The following PTPRD variants were observed in gnomAD, a reference collection of about 807,000 sequenced individuals.
PTPRD encodes the protein protein tyrosine phosphatase receptor type D, also known as receptor-type tyrosine-protein phosphatase delta.
Under a neutral mutation model 214.5 loss-of-function variants are expected in PTPRD, and 34 were observed. The ratio of observed to expected loss-of-function variants is 0.16; its 90% CI spans 0.12 to 0.21. The LOEUF (loss-of-function observed/expected upper bound fraction) is 0.21. Ranked by LOEUF, PTPRD falls within the 10% of genes least tolerant of loss-of-function variation. The pLI is 1.00. For synonymous variants in PTPRD, 1,128 were observed against 845.7 expected (o/e 1.33, Z -5.79); for missense variants, 2,545 against 2,398.7 (o/e 1.06, Z -1.27).
intron 14 of PTPRD, among the ~76,000 whole-genome samples, chr9:8,619,445 C>A (rs897841236): frequency 6.6e-6 from 1 of 151,722 alleles, no homozygotes; most frequent in African/African-American, 2.4e-5. Flanking sequence ...GATCCCATAG[C>A]ATTTGTCTTT....
At chr9:10,279,522 C>G (rs1394128373) in intron 3 of PTPRD, among the ~76,000 whole-genome samples, 1 of 152,032 alleles carries the variant, frequency 6.6e-6, no homozygotes, top group African/African-American at 2.4e-5. Flanking sequence ...TCACTTTTAT[C>G]ATTTCACTGA....
At chr9:9,728,559 A>T (rs566829260) in intron 7 of PTPRD, among the ~76,000 whole-genome samples, 4 of 152,168 alleles carry the variant, frequency 2.6e-5, no homozygotes, top group Admixed American at 2.0e-4. Flanking sequence ...CTAAAAGGTA[A>T]AAAGAGCCAA....
chr9:9,048,043 G>C (rs1053947931), intron 10 of PTPRD, among the ~76,000 whole-genome samples: 1 of 152,142 alleles, frequency 6.6e-6, no homozygotes, highest in Non-Finnish European at 1.5e-5. Flanking sequence ...ACAGGCATAA[G>C]AAAAGGTGCT....
chr9:9,024,933 G>T (rs72692864), intron 10 of PTPRD, among the ~76,000 whole-genome samples: 4,309 of 151,942 alleles, frequency 0.028, 77 homozygotes, highest in Middle Eastern at 0.058. Flanking sequence ...ACTTCAACTA[G>T]ATGCAAAAGT....
chr9:8,660,249 A>T (rs1414006133), intron 12 of PTPRD, among the ~76,000 whole-genome samples: 4 of 151,438 alleles, frequency 2.6e-5, no homozygotes, highest in Non-Finnish European at 4.4e-5. Flanking sequence ...ATCTAAGCTA[A>T]GCAATAATAG....
intron 5 of PTPRD, among the ~76,000 whole-genome samples, chr9:9,907,074 A>C (rs1340118355): frequency 6.6e-6 from 1 of 151,910 alleles, no homozygotes; most frequent in Non-Finnish European, 1.5e-5. Flanking sequence ...CCAAATCCTT[A>C]TATGGTCAGT....
chr9:9,174,231 T>C (rs539732675), intron 10 of PTPRD, among the ~76,000 whole-genome samples: 1 of 152,238 alleles, frequency 6.6e-6, no homozygotes, highest in Non-Finnish European at 1.5e-5. Flanking sequence ...ATGAACTCCT[T>C]GAGGGCAGGT....
chr9:9,930,290 C>T (rs2086001492), intron 5 of PTPRD, among the ~76,000 whole-genome samples: 1 of 151,956 alleles, frequency 6.6e-6, no homozygotes, highest in Admixed American at 6.6e-5. Context: ...AAGCCATGGA[C>T]ATAAGTGAGA....
chr9:10,489,849 T>C (rs539368940), intron 2 of PTPRD, among the ~76,000 whole-genome samples: 72 of 152,216 alleles, frequency 4.7e-4, no homozygotes, highest in African/African-American at 1.6e-3. Flanking sequence ...AAACACTCCA[T>C]GCATAAAGCT....
chr9:8,472,006 A>T (rs769466738), intron 30 of PTPRD, among the ~76,000 whole-genome samples: 3 of 152,156 alleles, frequency 2.0e-5, no homozygotes, highest in Non-Finnish European at 4.4e-5. Flanking sequence ...GTAAATGCAT[A>T]ATCTGGTTTT....
chr9:9,315,179 A>G (rs1196605326), intron 9 of PTPRD, among the ~76,000 whole-genome samples: 1 of 152,046 alleles, frequency 6.6e-6, no homozygotes, highest in Non-Finnish European at 1.5e-5. Context: ...CAAAAGATAA[A>G]GAAGCTGAAT....
intron 2 of PTPRD, among the ~76,000 whole-genome samples, chr9:10,566,623 T>G (rs2065708600): frequency 6.6e-6 from 1 of 152,034 alleles, no homozygotes; most frequent in Non-Finnish European, 1.5e-5. Flanking sequence ...ATATGTTTTC[T>G]CATTCAGTGT....
At chr9:8,659,088 G>A (rs1457022290) in intron 12 of PTPRD, among the ~76,000 whole-genome samples, 3 of 151,530 alleles carry the variant, frequency 2.0e-5, no homozygotes, top group African/African-American at 2.4e-5. Flanking sequence ...AAAAAAAAGT[G>A]ACAAAATCAA....
chr9:10,429,669 T>C (rs2098658799), intron 2 of PTPRD, among the ~76,000 whole-genome samples: 1 of 151,190 alleles, frequency 6.6e-6, no homozygotes, highest in Non-Finnish European at 1.5e-5. Context: ...TATAGATATA[T>C]ATTCTATATA....
chr9:9,532,535 C>G (rs2075706664), intron 8 of PTPRD, among the ~76,000 whole-genome samples: 2 of 152,142 alleles, frequency 1.3e-5, no homozygotes, highest in East Asian at 3.9e-4. Flanking sequence ...TCAAAAGATT[C>G]TTCTGAGACT....
At chr9:9,102,188 T>C (rs1436800632) in intron 10 of PTPRD, among the ~76,000 whole-genome samples, 1 of 152,222 alleles carries the variant, frequency 6.6e-6, no homozygotes, top group Non-Finnish European at 1.5e-5. Flanking sequence ...AGGTTGTAGC[T>C]GCTCCATTAT....
At chr9:9,431,824 G>A (rs1287551560) in intron 8 of PTPRD, among the ~76,000 whole-genome samples, 3 of 145,304 alleles carry the variant, frequency 2.1e-5, no homozygotes, top group Admixed American at 1.5e-4. Context: ...TACAGTGCAT[G>A]TTCTCTCTCA....
At chr9:10,296,937 C>T (rs1337177321) in intron 3 of PTPRD, among the ~76,000 whole-genome samples, 5 of 151,728 alleles carry the variant, frequency 3.3e-5, no homozygotes, top group African/African-American at 4.8e-5. Flanking sequence ...ATTAAGGTTA[C>T]AATATTTCCC....
At chr9:9,546,305 A>G (rs2078800103) in intron 8 of PTPRD, among the ~76,000 whole-genome samples, 2 of 151,696 alleles carry the variant, frequency 1.3e-5, no homozygotes, top group African/African-American at 4.8e-5. Flanking sequence ...TTTCTTCTCA[A>G]TCTATATACC....
Sources: allele counts gnomAD v4.1 joint callset (sites outside exome capture counted in the v4.1 genomes callset), GRCh38; gene constraint gnomAD v4.1.1; transcripts MANE v1.5; gene names NCBI Gene and HGNC (gene_info 2026-07-23, HGNC 2026-07-21).